Variants in PACSIN2 observed in about 807,000 individuals in gnomAD.
PACSIN2 encodes the protein protein kinase C and casein kinase substrate in neurons 2, also known as protein kinase C and casein kinase substrate in neurons protein 2.
In PACSIN2, 25 loss-of-function variants were observed where a neutral mutation model predicts 63.8. The ratio of observed to expected loss-of-function variants is 0.39; its 90% confidence interval spans 0.29 to 0.55. PACSIN2 has a LOEUF of 0.55. PACSIN2 is among the 20% of genes least tolerant of loss of function. The probability of loss-of-function intolerance (pLI) is 0.62; values close to 1 mark genes in which losing one functional copy is unlikely to be tolerated. For synonymous variants in PACSIN2, 255 were observed against 256.2 expected, an observed-to-expected ratio of 1.00 and a Z score of 0.05; for missense variants, 518 against 646.9, an observed-to-expected ratio of 0.80 and a Z score of 2.16.
intron 5 of PACSIN2, 62 bp from the exon 6 acceptor site, chr22:42,884,623 C>T: frequency 7.2e-7 from 1 of 1,389,524 alleles, no homozygotes; most frequent in Non-Finnish European, 1.0e-6. Context: ...GCTCACCCTG[C>T]CCCTGGAGTG....
chr22:42,972,449 G>A (rs1273393101), intron 1 of PACSIN2, among the ~76,000 whole-genome samples: 1 of 151,928 alleles, frequency 6.6e-6, no homozygotes, highest in Non-Finnish European at 1.5e-5. Flanking sequence ...CTCCACTATT[G>A]TCCTATGACC....
At chr22:42,880,217 C>T (rs1267492426) in intron 7 of PACSIN2, among the ~76,000 whole-genome samples, 1 of 152,228 alleles carries the variant, frequency 6.6e-6, no homozygotes, top group Non-Finnish European at 1.5e-5. Flanking sequence ...CTAACCTGTC[C>T]ATTTGTCAGA....
chr22:42,944,872 TG>T (rs1245642251), intron 1 of PACSIN2, among the ~76,000 whole-genome samples: 2 of 151,994 alleles, frequency 1.3e-5, no homozygotes, highest in Non-Finnish European at 2.9e-5. Context: ...CCAAGATGGG[TG>T]GATCACCTGA....
intron 2 of PACSIN2, among the ~76,000 whole-genome samples, chr22:42,898,277 C>CTTTTTTTTTTTTTTTTTTTTTTTTTT (rs113057498): frequency 6.9e-6 from 1 of 145,280 alleles, no homozygotes. Context: ...CCTTCCTTTT[C>CTTTTTTTTTTTTTTTTTTTTTTTTTT]TTTTTTTTTT....
At chr22:42,888,024 C>G (rs1395753419) in intron 5 of PACSIN2, among the ~76,000 whole-genome samples, 3 of 151,846 alleles carry the variant, frequency 2.0e-5, no homozygotes, top group African/African-American at 7.3e-5. Context: ...GACAAGCGCT[C>G]CCAGCCTGCA....
intron 2 of PACSIN2, among the ~76,000 whole-genome samples, chr22:42,910,586 C>G (rs1469829386): frequency 6.6e-6 from 1 of 152,250 alleles, no homozygotes; most frequent in Admixed American, 6.5e-5. Context: ...CCTGCTTCAT[C>G]TAGTTTCACG....
At chr22:42,932,093 C>T (rs1289321272) in intron 1 of PACSIN2, among the ~76,000 whole-genome samples, 2 of 152,134 alleles carry the variant, frequency 1.3e-5, no homozygotes, top group African/African-American at 2.4e-5. Flanking sequence ...CGTCATGACC[C>T]GGCCCCTGCC....
At chr22:42,925,235 T>G (rs1194654176) in intron 1 of PACSIN2, among the ~76,000 whole-genome samples, 1 of 151,996 alleles carries the variant, frequency 6.6e-6, no homozygotes, top group Admixed American at 6.6e-5. Flanking sequence ...ATCCCAGCAC[T>G]TTGGGCGGCC....
At chr22:42,900,416 C>A (rs1274594498) in intron 2 of PACSIN2, among the ~76,000 whole-genome samples, 9 of 152,174 alleles carry the variant, frequency 5.9e-5, no homozygotes, top group African/African-American at 2.2e-4. Context: ...CATGCCACCC[C>A]ACTTAATCTT....
intron 1 of PACSIN2, among the ~76,000 whole-genome samples, chr22:42,952,977 T>C (rs888764955): frequency 6.6e-6 from 1 of 152,110 alleles, no homozygotes; most frequent in Non-Finnish European, 1.5e-5. Context: ...TTAAAGGATA[T>C]ACTTTTAAAA....
intron 2 of PACSIN2, among the ~76,000 whole-genome samples, chr22:42,894,401 C>A (rs1467700891): frequency 6.6e-6 from 1 of 152,188 alleles, no homozygotes; most frequent in African/African-American, 2.4e-5. Context: ...TGCCATCACA[C>A]CCAGCTAGTT....
chr22:42,891,371 G>A (rs77783590), intron 3 of PACSIN2, among the ~76,000 whole-genome samples, 189 bp from the exon 4 acceptor site: 1,603 of 152,270 alleles, frequency 0.011, 29 homozygotes, highest in African/African-American at 0.036. Flanking sequence ...TGCCCCTCGT[G>A]TTAGGAAAAT....
At chr22:42,949,479 C>T (rs1933584374) in intron 1 of PACSIN2, among the ~76,000 whole-genome samples, 1 of 152,176 alleles carries the variant, frequency 6.6e-6, no homozygotes, top group African/African-American at 2.4e-5. Context: ...CACACACACA[C>T]ACATTTTGTG....
At chr22:42,876,856 G>T (rs570062150) in intron 9 of PACSIN2, 32 bp downstream of exon 9, 1 of 1,613,578 alleles carries the variant, frequency 6.2e-7, no homozygotes, top group African/African-American at 1.3e-5. Context: ...GAGTGAGCGC[G>T]GTGGGAGCAG....
At chr22:42,982,895 A>AAAAAAAAAAAAG in intron 1 of PACSIN2, among the ~76,000 whole-genome samples, 1 of 121,988 alleles carries the variant, frequency 8.2e-6, no homozygotes. Flanking sequence ...AAAAAACAAC[A>AAAAAAAAAAAAG]ACAAGGCTAG....
chr22:42,930,348 G>C (rs928562994), intron 1 of PACSIN2, among the ~76,000 whole-genome samples: 1 of 152,146 alleles, frequency 6.6e-6, no homozygotes, highest in Non-Finnish European at 1.5e-5. Flanking sequence ...GCAGCACCAG[G>C]ACCTCTGGGT....
chr22:43,011,526 C>T (rs144229512), intron 1 of PACSIN2, among the ~76,000 whole-genome samples: 60 of 152,312 alleles, frequency 3.9e-4, no homozygotes, highest in African/African-American at 1.4e-3. Flanking sequence ...CCACAACATC[C>T]GGAATCATCC....
At chr22:42,902,267 G>A (rs1189137080) in intron 2 of PACSIN2, among the ~76,000 whole-genome samples, 1 of 152,230 alleles carries the variant, frequency 6.6e-6, no homozygotes, top group Non-Finnish European at 1.5e-5. Flanking sequence ...AGGCAAGGCC[G>A]CTTTCTCACA....
chr22:43,006,962 A>G (rs1307605217), intron 1 of PACSIN2, among the ~76,000 whole-genome samples: 1 of 152,182 alleles, frequency 6.6e-6, no homozygotes, highest in Non-Finnish European at 1.5e-5. Context: ...ACTGCTTCCT[A>G]GGAACACAGA....
Sources: allele counts gnomAD v4.1 joint callset (sites outside exome capture counted in the v4.1 genomes callset), GRCh38; gene constraint gnomAD v4.1.1; transcripts MANE v1.5; gene names NCBI Gene and HGNC (gene_info 2026-07-23, HGNC 2026-07-21).